Variants in ZNF804B observed in about 807,000 individuals in gnomAD.
ZNF804B encodes the protein zinc finger 804B.
Under a neutral mutation model 101.4 loss-of-function variants are expected in ZNF804B, and 80 were observed. The ratio of observed to expected loss-of-function variants is 0.79; its 90% CI spans 0.66 to 0.95. The LOEUF is 0.95. ZNF804B is among the 40% of genes least tolerant of loss of function. ZNF804B has a pLI of 0.00. For synonymous variants in ZNF804B, 622 were observed against 558.8 expected (o/e 1.11, Z -1.59); for missense variants, 1,673 against 1,561.9 (o/e 1.07, Z -1.20).
At chr7:89,216,449 A>C (rs1474709431) in intron 1 of ZNF804B, among the ~76,000 whole-genome samples, 1 of 152,184 alleles carries the variant, frequency 6.6e-6, no homozygotes, top group Non-Finnish European at 1.5e-5. Context: ...ATCAGCTGGC[A>C]ATTTTCCTAG....
intron 1 of ZNF804B, among the ~76,000 whole-genome samples, chr7:89,211,542 TA>T (rs1211239436): frequency 6.6e-6 from 1 of 152,196 alleles, no homozygotes; most frequent in Non-Finnish European, 1.5e-5. Context: ...AATTTTTGTA[TA>T]AGGTGAAAGG....
chr7:89,297,024 G>T (rs528095673), intron 2 of ZNF804B, among the ~76,000 whole-genome samples: 18 of 152,040 alleles, frequency 1.2e-4, no homozygotes, highest in African/African-American at 4.3e-4. Flanking sequence ...AAAATTGAGC[G>T]GTCAAGAAAT....
chr7:88,944,215 A>T (rs564331337), intron 1 of ZNF804B, among the ~76,000 whole-genome samples: 4 of 151,892 alleles, frequency 2.6e-5, no homozygotes, highest in Non-Finnish European at 2.9e-5. Flanking sequence ...CACTCCCACC[A>T]GTAGTCTGTG....
intron 1 of ZNF804B, among the ~76,000 whole-genome samples, chr7:89,129,117 A>G (rs1445911096): frequency 6.6e-6 from 1 of 151,998 alleles, no homozygotes; most frequent in Non-Finnish European, 1.5e-5. Flanking sequence ...ATAACCTGTA[A>G]GTTGAATAAT....
At chr7:89,022,657 G>A (rs533698191) in intron 1 of ZNF804B, among the ~76,000 whole-genome samples, 2 of 152,170 alleles carry the variant, frequency 1.3e-5, no homozygotes, top group Non-Finnish European at 2.9e-5. Flanking sequence ...TTCTATGAAA[G>A]AAAGCTTATG....
intron 1 of ZNF804B, among the ~76,000 whole-genome samples, chr7:88,902,733 A>C (rs574137450): frequency 6.6e-6 from 1 of 152,220 alleles, no homozygotes; most frequent in African/African-American, 2.4e-5. Flanking sequence ...ACACTATGTT[A>C]TAAATGAAAG....
intron 1 of ZNF804B, among the ~76,000 whole-genome samples, chr7:89,096,406 G>A (rs905625574): frequency 7.2e-5 from 11 of 152,220 alleles, no homozygotes; most frequent in African/African-American, 2.6e-4. Context: ...GAACCAGGTG[G>A]AAGAGTTGAT....
At chr7:89,009,356 C>T (rs1424181620) in intron 1 of ZNF804B, among the ~76,000 whole-genome samples, 1 of 152,150 alleles carries the variant, frequency 6.6e-6, no homozygotes, top group Non-Finnish European at 1.5e-5. Flanking sequence ...TATGTATCCA[C>T]TCTCAATCTT....
At chr7:88,857,822 CTTTTTTTTTTTTTTTTTT>C (rs55841922) in intron 1 of ZNF804B, among the ~76,000 whole-genome samples, 1 of 81,422 alleles carries the variant, frequency 1.2e-5, no homozygotes, top group East Asian at 3.5e-4. Context: ...CCTTTCTTTT[CTTTTTTTTTTTTTTTTTT>C]TTTTTTTTTT....
intron 1 of ZNF804B, among the ~76,000 whole-genome samples, chr7:89,208,795 A>T (rs1300278264): frequency 6.6e-6 from 1 of 151,996 alleles, no homozygotes. Flanking sequence ...GGTGGATCAC[A>T]AGGTCAGGAG....
At chr7:88,994,919 A>G (rs1562854360) in intron 1 of ZNF804B, among the ~76,000 whole-genome samples, 1 of 152,118 alleles carries the variant, frequency 6.6e-6, no homozygotes. Context: ...ATTCCAGAGT[A>G]TATACCAGCT....
intron 2 of ZNF804B, among the ~76,000 whole-genome samples, chr7:89,267,157 T>C (rs1250729473): frequency 6.6e-6 from 1 of 152,176 alleles, no homozygotes; most frequent in East Asian, 1.9e-4. Context: ...ATTGATCCTT[T>C]GTTTCACCTT....
At chr7:88,815,174 TAAA>T (rs1163582785) in intron 1 of ZNF804B, among the ~76,000 whole-genome samples, 1 of 147,688 alleles carries the variant, frequency 6.8e-6, no homozygotes, top group African/African-American at 2.5e-5. Flanking sequence ...TTATATATAA[TAAA>T]ATATATAAAA....
At chr7:89,179,825 T>C (rs1481559355) in intron 1 of ZNF804B, among the ~76,000 whole-genome samples, 4 of 152,194 alleles carry the variant, frequency 2.6e-5, no homozygotes, top group Admixed American at 2.6e-4. Context: ...TGTGTTGTGA[T>C]CTAAGTTTGG....
intron 1 of ZNF804B, among the ~76,000 whole-genome samples, chr7:88,845,291 G>GCGCACA (rs1261617236): frequency 8.2e-4 from 87 of 106,540 alleles, no homozygotes; most frequent in African/African-American, 2.3e-3. Flanking sequence ...ACGCGCGCGC[G>GCGCACA]CACGCGCGCG....
rs148447998 is a variant in ZNF804B at position 89,003,344 on chromosome 7, T to C, written c.109-214811T>C. On this transcript the variant is annotated intron_variant, in intron 1 of 3. Transcript: ENST00000333190. Reference sequence around the variant, plus strand: ...AGTCAGAATAATACATTTAGTTGTTTTGCTGGACATTGTGTAAATATTTTG... The same window carrying C: ...AGTCAGAATAATACATTTAGTTGTTCTGCTGGACATTGTGTAAATATTTTG... Among the ~76,000 whole-genome samples the C allele has an allele frequency of 5.0e-3, 757 of 152,096 alleles. 1 individual carries two copies. Among genetic ancestry groups the C allele is most frequent in the Non-Finnish European group, 7.7e-3 (525 of 67,918 alleles).
chr7:88,905,775 T>C (rs1792460251), intron 1 of ZNF804B, among the ~76,000 whole-genome samples: 1 of 152,136 alleles, frequency 6.6e-6, no homozygotes. Context: ...GCTGGCTTCA[T>C]AGAATGAGTT....
At chr7:88,851,175 T>C (rs1276106126) in intron 1 of ZNF804B, among the ~76,000 whole-genome samples, 1 of 152,114 alleles carries the variant, frequency 6.6e-6, no homozygotes, top group African/African-American at 2.4e-5. Flanking sequence ...TAGCCTAATA[T>C]ATGTATAAAT....
intron 1 of ZNF804B, among the ~76,000 whole-genome samples, chr7:89,199,293 ACTC>A (rs987461163): frequency 2.0e-5 from 3 of 151,264 alleles, no homozygotes; most frequent in African/African-American, 7.3e-5. Context: ...AATCCTCAAA[ACTC>A]CTGCAAGACT....
Sources: gnomAD v4.1 joint callset for allele counts (sites outside exome capture counted in the v4.1 genomes callset) on GRCh38, gnomAD v4.1.1 for gene constraint, MANE v1.5 for transcripts, NCBI Gene and HGNC (gene_info 2026-07-23, HGNC 2026-07-21) for gene names.